The following EIF4G1 variants were observed in gnomAD, a reference collection of about 807,000 sequenced individuals.
EIF4G1 encodes the protein EIF4-gamma.
In EIF4G1, 4 loss-of-function variants were observed where a neutral mutation model predicts 187.8. The observed-to-expected ratio is 0.02, with a 90% CI of 0.01 to 0.05. The LOEUF is 0.05. Ranked by LOEUF, EIF4G1 falls within the 10% of genes least tolerant of loss-of-function variation. EIF4G1 has a pLI of 1.00. For missense variants in EIF4G1, 1,647 were observed against 2,081.1 expected, an observed-to-expected ratio of 0.79 and a Z score of 4.06; for synonymous variants, 844 against 781.4, an observed-to-expected ratio of 1.08 and a Z score of -1.34.
rs902051947 is a variant in EIF4G1 at position 184,334,883 on chromosome 3, C to T, written c.4775C>T (p.Ala1592Val). Residue 1592 changes from alanine (A) to valine (V), a missense_variant, in exon 33 of 33, where the codon GCA becomes GTA. By Grantham distance (64) the Ala-to-Val change is moderately conservative. This residue lies in a region of EIF4G1 where 543 missense variants were observed against 638.0 expected (regional missense o/e 0.85). Coordinates refer to ENST00000346169, the MANE Select transcript of EIF4G1 (RefSeq NM_198241.3). This position sits in a 1 kb window ranked among gnomAD's most constrained non-coding sequence, Gnocchi z 5.8. ...GCCTTCTTCAAGTGGCTCCGTGAAG[C>T]AGAGGAGGAGTCTGACCACAACTGA... is the stretch of plus-strand genomic sequence containing the variant. ...VTAFFKWLRE[A>V]EEESDHN The T allele has an allele frequency of 1.9e-6, 3 of 1,614,192 alleles. No homozygotes were observed. The highest frequency in any genetic ancestry group is 2.5e-6 in the Non-Finnish European group (3 of 1,180,024).
chr3:184,334,821 G>A lies in EIF4G1; in HGVS notation c.4713G>A (p.Glu1571=), dbSNP rs1577274702. 1.2e-6 allele frequency: 2 copies of A among 1,614,130 alleles called. No individual in the cohort carries two copies. Among genetic ancestry groups the A allele is most frequent in the Admixed American group, 1.7e-5 (1 of 60,014 alleles). The part of the protein sequence containing the change: ...YSWESSKDPA[E]QQGKGVALKS... ...GGGAGAGTAGCAAGGACCCCGCTGAGCAGCAGGGCAAGGGTGTGGCCCTTA... is the reference window on the plus strand; with the variant it reads ...GGGAGAGTAGCAAGGACCCCGCTGAACAGCAGGGCAAGGGTGTGGCCCTTA... Residue 1571 remains glutamate, a synonymous_variant, in exon 33 of 33, where the codon GAG becomes GAA. Transcript: ENST00000346169. The surrounding 1 kb of genome is among the most constrained non-coding windows in gnomAD (Gnocchi z 5.8).
chr3:184,322,338 TTTTA>T lies in EIF4G1; in HGVS notation c.1520-12_1520-9del, dbSNP rs762450096. The T allele has an allele frequency of 7.2e-5, 115 of 1,604,788 alleles. 1 individual carries two copies. The highest frequency in any genetic ancestry group is 5.2e-4 in the Middle Eastern group (3 of 5,814). On this transcript the variant is annotated intron_variant, in intron 10 of 32. Transcript: ENST00000346169. The stretch of plus-strand genomic sequence containing the variant: ...TTAAATTATTGGCAAAGATCCATGC[TTTTA>T]TTTATTTATTTTTAATTAGTGGCAG...
In EIF4G1 at chr3:184,325,164, T is replaced by A. The variant is rs1011792373; in HGVS notation, c.2856+50T>A. Reference sequence around the variant, plus strand: ...GGATGGGCTGAAGCATATGTGGGGCTCACTGAGCCCACAATGATGGGGCGG... The same window carrying A: ...GGATGGGCTGAAGCATATGTGGGGCACACTGAGCCCACAATGATGGGGCGG... On this transcript the variant is annotated intron_variant, in intron 18 of 32. Transcript: ENST00000346169. This position sits in a 1 kb window ranked among gnomAD's most constrained non-coding sequence, Gnocchi z 5.2. 3 of 1,603,128 alleles carry A rather than the reference T, an allele frequency of 1.9e-6. No homozygotes were observed. The African/African-American group carries it at 4.0e-5, about 21-fold the overall frequency.
chr3:184,320,255 G>A, intron 7 of EIF4G1: 4 of 1,224,760 alleles, frequency 3.3e-6, no homozygotes, highest in Non-Finnish European at 4.1e-6. Flanking sequence ...TCCACCTACT[G>A]GATCTGGGCC....
chr3:184,327,950 C>T lies in EIF4G1; in HGVS notation c.3901C>T (p.Leu1301=), dbSNP rs775173207. Residue 1301 remains leucine (L), a synonymous_variant, in exon 26 of 33, where the codon CTG becomes TTG. Transcript: ENST00000346169. The part of the protein sequence containing the change: ...AIAREHMGQL[L]HQLLCAGHLS... ...TGCTCGTGAGCATATGGGGCAGCTG[C>T]TGCACCAGCTGCTCTGTGCTGGGCA... 3 of 1,611,108 alleles carry T rather than the reference C, an allele frequency of 1.9e-6. No homozygotes were observed. Among genetic ancestry groups the T allele is most frequent in the Non-Finnish European group, 2.5e-6 (3 of 1,180,018 alleles).
At position 184,327,971 on chromosome 3, in the gene EIF4G1, G is replaced by T; in HGVS notation, c.3922G>T (p.Gly1308Trp). 6.2e-7 allele frequency: 1 copy of T among 1,608,898 alleles called. No homozygotes were observed. The highest frequency in any genetic ancestry group is 8.5e-7 in the Non-Finnish European group (1 of 1,179,998). Reference protein sequence around the residue: ...GQLLHQLLCAGHLSTAQYYQG... With the variant: ...GQLLHQLLCAWHLSTAQYYQG... Reference sequence around the variant, plus strand: ...GCTGCTGCACCAGCTGCTCTGTGCTGGGCATCTGTCTACTGCTCAGTACTA... The same window carrying T: ...GCTGCTGCACCAGCTGCTCTGTGCTTGGCATCTGTCTACTGCTCAGTACTA... Residue 1308 changes from glycine (G) to tryptophan (W), a missense_variant, in exon 26 of 33, where the codon GGG becomes TGG. Physicochemically the swap from Gly to Trp is radical, Grantham distance 184 (BLOSUM62 -2). This residue lies in a region of EIF4G1 where 543 missense variants were observed against 638.0 expected (regional missense o/e 0.85). Coordinates refer to ENST00000346169, the MANE Select transcript of EIF4G1 (RefSeq NM_198241.3).
At position 184,324,795 on chromosome 3, in the gene EIF4G1, A is replaced by G; in HGVS notation, c.2620-83A>G. 5 of 1,421,614 alleles carry G rather than the reference A, an allele frequency of 3.5e-6. No individual in the cohort carries two copies. The South Asian group carries it at 4.6e-5, about 13-fold the overall frequency. The allele number at this position is 1,421,614 out of a possible 1,614,324, so 88.1% of individuals were successfully genotyped here. ...GCCTCAGGACTGAGTGCTTATTGCT[A>G]GGTTTGGATATCCAGGTAGAAAAGG... On this transcript the variant is annotated intron_variant, in intron 17 of 32. Transcript: ENST00000346169.
chr3:184,323,410 T>C lies in EIF4G1; in HGVS notation c.2091T>C (p.Ala697=). ...TGTCTTCATCCCTTGCTTAGCAGGC[T>C]GGCCTGGGACCCCGGCGCTCTCAGC... ...GPGGELPRGP[A]GLGPRRSQQG... The change falls in exon 15 of 33, where the codon GCT becomes GCC. Residue 697 remains alanine, a splice_region_variant and synonymous_variant. Transcript: ENST00000346169. This position sits in a 1 kb window ranked among gnomAD's most constrained non-coding sequence, Gnocchi z 6.9. 4.3e-6 allele frequency: 7 copies of C among 1,614,234 alleles called. No homozygotes were observed. Among genetic ancestry groups the C allele is most frequent in the Middle Eastern group, 1.7e-4 (1 of 6,058 alleles).
rs144462594 is a variant in EIF4G1 at position 184,334,817 on chromosome 3, C to T, written c.4709C>T (p.Ala1570Val). 40 of 1,614,102 alleles carry T rather than the reference C, an allele frequency of 2.5e-5. No individual in the cohort carries two copies. The highest frequency in any genetic ancestry group is 3.3e-5 in the Non-Finnish European group (39 of 1,180,040). The change falls in exon 33 of 33, where the codon GCT becomes GTT. Residue 1570 changes from alanine (A) to valine (V), a missense_variant. Around this residue, in one of 11 missense-constraint regions of EIF4G1, gnomAD observed 543 missense variants for 638.0 expected, o/e 0.85. Transcript: ENST00000346169. This position sits in a 1 kb window ranked among gnomAD's most constrained non-coding sequence, Gnocchi z 5.8. The stretch of plus-strand genomic sequence containing the variant: ...AGTTGGGAGAGTAGCAAGGACCCCG[C>T]TGAGCAGCAGGGCAAGGGTGTGGCC... ...FYSWESSKDP[A>V]EQQGKGVALK...
chr3:184,316,802 T>A (rs993701998), intron 4 of EIF4G1: 1 of 1,504,120 alleles, frequency 6.6e-7, no homozygotes, highest in Admixed American at 1.8e-5. Context: ...AGTCAGGGGC[T>A]AGACACAGGG....
At chr3:184,319,549 G>C (rs1475114213) in intron 6 of EIF4G1, 140 bp from the exon 7 acceptor site, 1 of 691,818 alleles carries the variant, frequency 1.4e-6, no homozygotes, top group African/African-American at 1.8e-5. Context: ...AATTCCCTGG[G>C]GGAGGAGGGC....
At position 184,315,822 on chromosome 3, in the gene EIF4G1, G is replaced by GCCCCGCC. The variant is rs2108456412; in HGVS notation, c.30_31insGCCCCCC (p.Pro11AlafsTer46). On this transcript the variant is annotated frameshift_variant, in exon 3 of 33. Coordinates refer to ENST00000346169, the MANE Select transcript of EIF4G1 (RefSeq NM_198241.3). LOFTEE classifies it high-confidence loss of function. The stretch of plus-strand genomic sequence containing the variant: ...ATGAACAAAGCTCCACAGTCCACAG[G>GCCCCGCC]CCCCCCACCCGCCCCATCCCCCGGA... The GCCCCGCC allele has an allele frequency of 1.1e-5, 17 of 1,544,452 alleles. No individual in the cohort carries two copies. Among genetic ancestry groups the GCCCCGCC allele is most frequent in the Non-Finnish European group, 1.3e-5 (15 of 1,140,772 alleles).
Position 184,323,991 on chromosome 3 carries a change from G to A in EIF4G1, c.2472+14G>A. 1.2e-6 allele frequency: 2 copies of A among 1,613,408 alleles called. No individual in the cohort carries two copies. Among genetic ancestry groups the A allele is most frequent in the Non-Finnish European group, 1.7e-6 (2 of 1,180,036 alleles). On this transcript the variant is annotated intron_variant, in intron 16 of 32. Transcript: ENST00000346169. This position sits in a 1 kb window ranked among gnomAD's most constrained non-coding sequence, Gnocchi z 6.9. Reference sequence around the variant, plus strand: ...TGCCTCATGGCGGTTAGTTTCCAGTGGGTTCTAAATCTAATGGTCTGGTTG... The same window carrying A: ...TGCCTCATGGCGGTTAGTTTCCAGTAGGTTCTAAATCTAATGGTCTGGTTG...
intron 6 of EIF4G1, among the ~76,000 whole-genome samples, chr3:184,318,311 C>T (rs1723141346): frequency 6.6e-6 from 1 of 152,166 alleles, no homozygotes; most frequent in African/African-American, 2.4e-5. Context: ...TTGTGCTTGT[C>T]AAAAACAAGT....
In EIF4G1 at chr3:184,321,364, G is replaced by A. The variant is rs371776051; in HGVS notation, c.780G>A (p.Ser260=). The change falls in exon 10 of 33, where the codon TCG becomes TCA. Residue 260 remains serine (S), a synonymous_variant. Coordinates refer to ENST00000346169, the MANE Select transcript of EIF4G1 (RefSeq NM_198241.3). ...ATAGCCCTTCAGAATCCCAGCCTTC[G>A]TCGCCTTCTCCGACCCCATCACCAT... ...PEHSPSESQP[S]SPSPTPSPSP... 4.2e-5 allele frequency: 67 copies of A among 1,613,976 alleles called. No homozygotes were observed. The highest frequency in any genetic ancestry group is 4.5e-5 in the Non-Finnish European group (53 of 1,180,022).
rs1169296263 is a variant in EIF4G1, at chr3:184,321,394, A to G, written c.810A>G (p.Pro270=). The part of the protein sequence containing the change: ...SSPSPTPSPS[P]VLEPGSEPNL... ...CTTCTCCGACCCCATCACCATCCCC[A>G]GTCTTGGAACCGGGGTCTGAGCCTA... The change falls in exon 10 of 33, where the codon CCA becomes CCG. Residue 270 remains proline, a synonymous_variant. Transcript: ENST00000346169. 5 of 1,613,914 alleles carry G rather than the reference A, an allele frequency of 3.1e-6. No individual in the cohort carries two copies. Among genetic ancestry groups the G allele is most frequent in the Middle Eastern group, 1.6e-4 (1 of 6,084 alleles).
chr3:184,318,936 T>C (rs61087762), intron 6 of EIF4G1, among the ~76,000 whole-genome samples: 1,658 of 152,094 alleles, frequency 0.011, 32 homozygotes, highest in African/African-American at 0.038. Context: ...AAATTAGGCC[T>C]GGTGATGCAC....
At chr3:184,331,408 C>A in intron 29 of EIF4G1, 44 bp downstream of exon 29, 1 of 1,614,164 alleles carries the variant, frequency 6.2e-7, no homozygotes, top group Non-Finnish European at 8.5e-7. Flanking sequence ...TGAGGCTGGC[C>A]AGTCTTCTTT....
At chr3:184,331,853 A>G in intron 31 of EIF4G1, 44 bp downstream of exon 31, 1 of 1,614,064 alleles carries the variant, frequency 6.2e-7, no homozygotes, top group East Asian at 2.2e-5. Flanking sequence ...TGGGCCTGAC[A>G]GACAAGTGGA....
Sources: gnomAD v4.1 joint callset for allele counts (sites outside exome capture counted in the v4.1 genomes callset) on GRCh38, gnomAD v4.1.1 for gene constraint, gnomAD v4.1.1 regional missense constraint, Gnocchi (gnomAD v3.1) non-coding constraint, MANE v1.5 for transcripts, NCBI Gene and HGNC (gene_info 2026-07-23, HGNC 2026-07-21) for gene names.